The following COL27A1 variants were observed in gnomAD, a reference collection of about 807,000 sequenced individuals.
COL27A1 encodes collagen alpha-1(XXVII) chain.
COL27A1 carries 106 observed loss-of-function variants against 251.3 expected under a neutral mutation model. The ratio of observed to expected loss-of-function variants is 0.42; its 90% CI spans 0.36 to 0.50. COL27A1 has a LOEUF of 0.50. Ranked by LOEUF, COL27A1 falls within the 20% of genes least tolerant of loss-of-function variation. The pLI is 0.00. For synonymous variants in COL27A1, 1,000 were observed against 986.3 expected (o/e 1.01, Z -0.26); for missense variants, 2,325 against 2,522.8 (o/e 0.92, Z 1.68).
At chr9:114,269,969 G>A (rs549843449) in intron 35 of COL27A1, among the ~76,000 whole-genome samples, 46 of 152,302 alleles carry the variant, frequency 3.0e-4, no homozygotes, top group Non-Finnish European at 5.7e-4. Context: ...TTCAAGAACT[G>A]TTGTCCAGGG....
At chr9:114,263,087 C>T (rs1420775056) in intron 28 of COL27A1, among the ~76,000 whole-genome samples, 1 of 151,994 alleles carries the variant, frequency 6.6e-6, no homozygotes, top group African/African-American at 2.4e-5. Context: ...TACAGGCACA[C>T]ACCACCATGC....
chr9:114,187,084 A>T (rs1482609172), intron 5 of COL27A1, among the ~76,000 whole-genome samples: 1 of 152,120 alleles, frequency 6.6e-6, no homozygotes, highest in Non-Finnish European at 1.5e-5. Context: ...ACTGGGAAGG[A>T]GATGTGGTCA....
intron 49 of COL27A1, among the ~76,000 whole-genome samples, chr9:114,294,080 TACAA>T (rs763780158): frequency 4.4e-4 from 35 of 79,650 alleles, no homozygotes; most frequent in African/African-American, 2.4e-3. Context: ...CTACTAACAA[TACAA>T]AAAAAAAAAA....
At chr9:114,278,769 T>C (rs1208382442) in intron 37 of COL27A1, among the ~76,000 whole-genome samples, 2 of 151,912 alleles carry the variant, frequency 1.3e-5, no homozygotes, top group Non-Finnish European at 2.9e-5. Context: ...CCAGACGAAG[T>C]GTGTGCCAAG....
At chr9:114,220,226 C>T (rs951393894) in intron 13 of COL27A1, among the ~76,000 whole-genome samples, 2 of 152,126 alleles carry the variant, frequency 1.3e-5, no homozygotes, top group South Asian at 2.1e-4. Context: ...GTCTGCAGGC[C>T]GTGTTTGGAG....
At chr9:114,182,728 C>T (rs1025232998) in intron 4 of COL27A1, among the ~76,000 whole-genome samples, 9 of 152,164 alleles carry the variant, frequency 5.9e-5, no homozygotes, top group African/African-American at 1.4e-4. Context: ...GAGACAGTTA[C>T]GAACCTCTGT....
At chr9:114,205,979 T>C (rs953823480) in intron 9 of COL27A1, among the ~76,000 whole-genome samples, 167 bp downstream of exon 9, 1 of 152,150 alleles carries the variant, frequency 6.6e-6, no homozygotes, top group Non-Finnish European at 1.5e-5. Context: ...AGCCTGTCTT[T>C]GCAGGCACAG....
intron 51 of COL27A1, 50 bp downstream of exon 51, chr9:114,300,737 G>C (rs1445478276): frequency 6.9e-7 from 1 of 1,441,470 alleles, no homozygotes. Context: ...CTAGGCCCAA[G>C]GTTGGCCAGC....
At chr9:114,293,811 G>T (rs1026765271) in intron 49 of COL27A1, among the ~76,000 whole-genome samples, 7 of 152,032 alleles carry the variant, frequency 4.6e-5, no homozygotes, top group African/African-American at 1.7e-4. Flanking sequence ...ACTACCAAAG[G>T]TCATCAAGAA....
At position 114,265,403 on chromosome 9, in the gene COL27A1, C is replaced by G; in HGVS notation, c.3340-19C>G. On this transcript the variant is annotated intron_variant, in intron 31 of 60. Transcript: ENST00000356083. ...AAGGCCATGGAGGGCCTAAGGTCAC[C>G]TTTACCTTGTCTCTGCAGGGCATCC... 5 of 1,613,162 alleles carry G rather than the reference C, an allele frequency of 3.1e-6. No homozygotes were observed. The highest frequency in any genetic ancestry group is 4.2e-6 in the Non-Finnish European group (5 of 1,179,486).
intron 14 of COL27A1, among the ~76,000 whole-genome samples, chr9:114,229,889 T>C (rs1831809747): frequency 1.3e-5 from 2 of 152,186 alleles, no homozygotes; most frequent in African/African-American, 4.8e-5. Context: ...TGGATGGTTA[T>C]TCGTGGCGGG....
chr9:114,239,378 TAAGAC>T (rs1241211426), intron 19 of COL27A1, among the ~76,000 whole-genome samples: 33 of 152,352 alleles, frequency 2.2e-4, no homozygotes, highest in African/African-American at 7.7e-4. Flanking sequence ...CATTTAAACT[TAAGAC>T]TAGCCCTGTA....
intron 48 of COL27A1, 58 bp from the exon 49 acceptor site, chr9:114,292,045 C>T: frequency 6.8e-7 from 1 of 1,461,192 alleles, no homozygotes. Flanking sequence ...CCTCCGCCTC[C>T]TCCTGCCTTA....
intron 6 of COL27A1, among the ~76,000 whole-genome samples, chr9:114,195,143 T>C (rs2135244978): frequency 6.6e-6 from 1 of 152,276 alleles, no homozygotes; most frequent in Non-Finnish European, 1.5e-5. Context: ...TCTGCCTGAC[T>C]TCCTTCTGGA....
intron 36 of COL27A1, 27 bp from the exon 37 acceptor site, chr9:114,275,634 C>T (rs1330054679): frequency 1.4e-6 from 2 of 1,458,806 alleles, no homozygotes; most frequent in African/African-American, 1.4e-5. Flanking sequence ...CTCTCTCTCT[C>T]TCCCCTCTTC....
intron 3 of COL27A1, among the ~76,000 whole-genome samples, chr9:114,171,991 T>C (rs771295591): frequency 3.9e-5 from 6 of 152,160 alleles, no homozygotes; most frequent in Non-Finnish European, 7.4e-5. Flanking sequence ...CCCTGACTTC[T>C]GGCCAGGGCT....
chr9:114,200,406 G>C (rs1354188010), intron 7 of COL27A1, among the ~76,000 whole-genome samples: 2 of 152,194 alleles, frequency 1.3e-5, no homozygotes, highest in Non-Finnish European at 2.9e-5. Flanking sequence ...TCCCCTTGTA[G>C]AAGGTAGAGA....
chr9:114,305,737 C>T (rs1828993596), intron 57 of COL27A1, among the ~76,000 whole-genome samples: 1 of 152,146 alleles, frequency 6.6e-6, no homozygotes, highest in Non-Finnish European at 1.5e-5. Flanking sequence ...ATGGGGCTAG[C>T]ATCGCTCCAC....
chr9:114,302,009 G>T lies in COL27A1; in HGVS notation c.4846-73G>T, dbSNP rs1828681761. On this transcript the variant is annotated intron_variant, in intron 55 of 60. Coordinates refer to ENST00000356083, the MANE Select transcript of COL27A1 (RefSeq NM_032888.4). ...TCCTGCATGCTTTGATGGTCTCCCT[G>T]GTCTCCTGACACCCTCTCAGATTCC... 1.1e-5 allele frequency: 15 copies of T among 1,417,722 alleles called. No homozygotes were observed. In the South Asian group the frequency reaches 1.8e-4, roughly 17 times the overall value. 87.8% of individuals were successfully genotyped at this position (1,417,722 alleles called of 1,614,324 possible).
Sources: gnomAD v4.1 joint callset for allele counts (sites outside exome capture counted in the v4.1 genomes callset) on GRCh38, gnomAD v4.1.1 for gene constraint, MANE v1.5 for transcripts, NCBI Gene and HGNC (gene_info 2026-07-23, HGNC 2026-07-21) for gene names.